Variants in ALK observed in about 807,000 individuals in gnomAD.
ALK encodes ALK receptor tyrosine kinase, also known as ALK tyrosine kinase receptor.
Under a neutral mutation model 163.1 loss-of-function variants are expected in ALK, and 74 were observed. The observed-to-expected ratio is 0.45, with a 90% confidence interval of 0.38 to 0.55. The LOEUF is 0.55. ALK is among the 20% of genes least tolerant of loss of function. ALK has a pLI of 0.00. For synonymous variants in ALK, 960 were observed against 843.2 expected (o/e 1.14, Z -2.40); for missense variants, 2,063 against 2,105.3 (o/e 0.98, Z 0.39).
rs542082571 is a variant in ALK, at chr2:29,560,160, G to C, written c.953-28044C>G. On this transcript the variant is annotated intron_variant, in intron 3 of 28. Transcript: ENST00000389048. ...GATTTGTACATGACTGTCCATAGCA[G>C]CTTTATCAGTACGTAATAGCCAAAG... Among the ~76,000 whole-genome samples, 10 of 152,282 alleles carry C rather than the reference G, an allele frequency of 6.6e-5. 1 individual carries two copies. In the South Asian group the frequency reaches 1.7e-3, roughly 25 times the overall value.
chr2:29,832,470 G>T (rs901666626), intron 1 of ALK, among the ~76,000 whole-genome samples: 12 of 152,240 alleles, frequency 7.9e-5, no homozygotes, highest in Admixed American at 7.2e-4. Flanking sequence ...TTTGGGGGAA[G>T]AGGGATATGT....
chr2:29,900,995 G>GAGCAAGCAAGCAAGCAAGCAAGCA (rs58490938), intron 1 of ALK, among the ~76,000 whole-genome samples: 2 of 148,600 alleles, frequency 1.3e-5, no homozygotes, highest in Non-Finnish European at 3.0e-5. Context: ...GAGAGAGAGA[G>GAGCAAGCAAGCAAGCAAGCAAGCA]AGCAAGCAAG....
At chr2:29,596,668 G>T (rs1213375743) in intron 3 of ALK, among the ~76,000 whole-genome samples, 1 of 152,200 alleles carries the variant, frequency 6.6e-6, no homozygotes, top group African/African-American at 2.4e-5. Context: ...ATAAAACCCA[G>T]TGGAGAGTCC....
intron 1 of ALK, among the ~76,000 whole-genome samples, chr2:29,762,904 T>C (rs1027785208): frequency 1.2e-4 from 18 of 151,904 alleles, no homozygotes; most frequent in Admixed American, 1.1e-3. Flanking sequence ...CTGGCCAACA[T>C]GGTGAAACCC....
intron 4 of ALK, among the ~76,000 whole-genome samples, chr2:29,495,580 C>G (rs1344169923): frequency 6.6e-6 from 1 of 152,208 alleles, no homozygotes; most frequent in Non-Finnish European, 1.5e-5. Flanking sequence ...CCTGATTAGA[C>G]TCACCTCAAA....
chr2:29,778,498 G>A (rs1222407631), intron 1 of ALK, among the ~76,000 whole-genome samples: 5 of 152,162 alleles, frequency 3.3e-5, no homozygotes, highest in Non-Finnish European at 7.3e-5. Flanking sequence ...CAGGTTGGCC[G>A]CCATCATGCG....
intron 4 of ALK, among the ~76,000 whole-genome samples, chr2:29,470,326 G>GAAGAAAT (rs1671319831): frequency 6.6e-6 from 1 of 151,808 alleles, no homozygotes; most frequent in Admixed American, 6.6e-5. Context: ...GAGGCAATAT[G>GAAGAAAT]TGAAGAAATA....
intron 20 of ALK, among the ~76,000 whole-genome samples, chr2:29,223,021 A>G (rs1669849873): frequency 6.6e-6 from 1 of 152,068 alleles, no homozygotes; most frequent in South Asian, 2.1e-4. Flanking sequence ...GTTGCTCTAG[A>G]TGCTCAGAGG....
At chr2:29,697,608 T>C (rs2148292229) in intron 2 of ALK, among the ~76,000 whole-genome samples, 1 of 152,206 alleles carries the variant, frequency 6.6e-6, no homozygotes, top group South Asian at 2.1e-4. Context: ...TCTTACTTCA[T>C]CCTCTCCCCG....
chr2:29,523,528 T>C (rs1672870570), intron 4 of ALK, among the ~76,000 whole-genome samples: 1 of 152,224 alleles, frequency 6.6e-6, no homozygotes, highest in Admixed American at 6.5e-5. Flanking sequence ...ACCAGTGTTC[T>C]ATCACTAAAA....
At chr2:29,771,824 G>A (rs1218619596) in intron 1 of ALK, among the ~76,000 whole-genome samples, 3 of 152,162 alleles carry the variant, frequency 2.0e-5, no homozygotes, top group Non-Finnish European at 4.4e-5. Context: ...ATGAGCCACT[G>A]CGCCCAGCCT....
chr2:29,690,174 C>T (rs1240907884), intron 3 of ALK, among the ~76,000 whole-genome samples: 3 of 152,200 alleles, frequency 2.0e-5, no homozygotes, highest in Admixed American at 6.5e-5. Context: ...TGTGTGAAAG[C>T]ATCCTTAGCC....
intron 4 of ALK, among the ~76,000 whole-genome samples, chr2:29,493,366 AG>A (rs1222329685): frequency 6.6e-6 from 1 of 152,172 alleles, no homozygotes; most frequent in Non-Finnish European, 1.5e-5. Flanking sequence ...TCCACAACTC[AG>A]CCAAGGCCAA....
In ALK at chr2:29,563,089, G is replaced by A. The variant is rs574940747; in HGVS notation, c.953-30973C>T. ...CTATGCTGGACTCCTCTCTGCTGGCGCAGAGCCCAGACTGTGGTAGGATAT... is the reference window on the plus strand; with the variant it reads ...CTATGCTGGACTCCTCTCTGCTGGCACAGAGCCCAGACTGTGGTAGGATAT... On this transcript the variant is annotated intron_variant, in intron 3 of 28. Transcript: ENST00000389048. Among the ~76,000 whole-genome samples the A allele has an allele frequency of 1.8e-4, 27 of 152,290 alleles. No individual in the cohort carries two copies. In the South Asian group the frequency reaches 3.9e-3, roughly 22 times the overall value.
At chr2:29,344,255 A>G (rs1183888310) in intron 5 of ALK, among the ~76,000 whole-genome samples, 2 of 152,188 alleles carry the variant, frequency 1.3e-5, no homozygotes, top group Non-Finnish European at 2.9e-5. Context: ...AATTCTTTAA[A>G]AATCCTCTCG....
At position 29,873,694 on chromosome 2, in the gene ALK, T is replaced by C. The variant is rs565451915; in HGVS notation, c.667+46299A>G. Among the ~76,000 whole-genome samples the C allele has an allele frequency of 3.1e-4, 47 of 152,162 alleles. No homozygotes were observed. In the South Asian group the frequency reaches 8.7e-3, roughly 28 times the overall value. On this transcript the variant is annotated intron_variant, in intron 1 of 28. Coordinates refer to ENST00000389048, the MANE Select transcript of ALK (RefSeq NM_004304.5). Reference sequence around the variant, plus strand: ...ACGAAGCCAGACAGGAAGAAGCAGATGCCTCATCGTGGCCTCTTCCTGGGC... The same window carrying C: ...ACGAAGCCAGACAGGAAGAAGCAGACGCCTCATCGTGGCCTCTTCCTGGGC...
At chr2:29,670,996 T>A (rs1438727732) in intron 3 of ALK, among the ~76,000 whole-genome samples, 1 of 152,098 alleles carries the variant, frequency 6.6e-6, no homozygotes, top group African/African-American at 2.4e-5. Context: ...TTTGTTAGGG[T>A]CAGTCACTGT....
At chr2:29,748,570 C>T (rs2148329394) in intron 1 of ALK, among the ~76,000 whole-genome samples, 1 of 152,250 alleles carries the variant, frequency 6.6e-6, no homozygotes, top group South Asian at 2.1e-4. Context: ...CTAAAATTCA[C>T]TGGGTGAAAG....
chr2:29,863,431 A>T (rs1367128837), intron 1 of ALK, among the ~76,000 whole-genome samples: 1 of 152,196 alleles, frequency 6.6e-6, no homozygotes. Flanking sequence ...ATAGTAAGAA[A>T]ATGACCCAAT....
Sources: allele counts gnomAD v4.1 joint callset (sites outside exome capture counted in the v4.1 genomes callset), GRCh38; gene constraint gnomAD v4.1.1; transcripts MANE v1.5; gene names NCBI Gene and HGNC (gene_info 2026-07-23, HGNC 2026-07-21).